ADCY9: variants seen among roughly 807,000 people sequenced by gnomAD.
ADCY9 encodes adenylate cyclase type 9.
A neutral mutation model predicts 101.5 loss-of-function variants in ADCY9; 50 were observed. The ratio of observed to expected loss-of-function variants is 0.49; its 90% CI spans 0.39 to 0.62. ADCY9 has a LOEUF of 0.62. Among genes scored for constraint, ADCY9 ranks in the 20% least tolerant of loss-of-function variants. ADCY9 has a pLI of 0.00. For missense variants in ADCY9, 1,662 were observed against 1,800.4 expected (o/e 0.92, Z 1.39); for synonymous variants, 905 against 769.3 (o/e 1.18, Z -2.92).
intron 2 of ADCY9, among the ~76,000 whole-genome samples, chr16:4,065,554 C>T (rs561074562): frequency 1.2e-4 from 18 of 152,234 alleles, no homozygotes; most frequent in African/African-American, 4.3e-4. Context: ...CCCATCGAGG[C>T]CCATGGCTTT....
At chr16:4,026,688 A>G (rs2056517831) in intron 2 of ADCY9, among the ~76,000 whole-genome samples, 1 of 152,206 alleles carries the variant, frequency 6.6e-6, no homozygotes, top group African/African-American at 2.4e-5. Flanking sequence ...AGACCCATGC[A>G]GCATCCAGGA....
chr16:4,044,989 G>A (rs534958081), intron 2 of ADCY9, among the ~76,000 whole-genome samples: 8 of 152,272 alleles, frequency 5.3e-5, no homozygotes, highest in African/African-American at 1.9e-4. Context: ...TGGTTGATAA[G>A]ACAAGCATGC....
At chr16:4,019,140 T>C (rs1467329415) in intron 2 of ADCY9, among the ~76,000 whole-genome samples, 1 of 152,066 alleles carries the variant, frequency 6.6e-6, no homozygotes, top group African/African-American at 2.4e-5. Flanking sequence ...CAAGCCCACC[T>C]TCTTTTAAAA....
intron 2 of ADCY9, among the ~76,000 whole-genome samples, chr16:4,106,862 G>A (rs2057080760): frequency 6.6e-6 from 1 of 152,156 alleles, no homozygotes; most frequent in Admixed American, 6.5e-5. Context: ...ATCTCACCAA[G>A]CTGGCCAGAA....
At chr16:3,973,256 T>C (rs2056067672) in intron 10 of ADCY9, among the ~76,000 whole-genome samples, 1 of 152,186 alleles carries the variant, frequency 6.6e-6, no homozygotes, top group South Asian at 2.1e-4. Flanking sequence ...TCGCCCAGGC[T>C]GGAGTGCAGT....
chr16:3,954,908 T>G (rs1035276060), intron 5 of ADCY9, among the ~76,000 whole-genome samples: 1 of 152,152 alleles, frequency 6.6e-6, no homozygotes, highest in African/African-American at 2.4e-5. Context: ...CACGCCTACA[T>G]GTCATGCCAC....
chr16:4,014,492 G>A (rs2056424818), intron 2 of ADCY9, among the ~76,000 whole-genome samples: 1 of 151,604 alleles, frequency 6.6e-6, no homozygotes, highest in East Asian at 1.9e-4. Context: ...CTGTTGCCCA[G>A]GCTGGAGCGT....
chr16:4,046,532 C>T (rs1345816137), intron 2 of ADCY9, among the ~76,000 whole-genome samples: 2 of 152,148 alleles, frequency 1.3e-5, no homozygotes, highest in Non-Finnish European at 2.9e-5. Context: ...AATGAGCAGG[C>T]TGGGAGTAGC....
intron 2 of ADCY9, among the ~76,000 whole-genome samples, chr16:4,050,023 T>A (rs1249262076): frequency 1.4e-5 from 2 of 146,066 alleles, no homozygotes; most frequent in African/African-American, 2.7e-5. Context: ...AGAGTGAGAC[T>A]GTGTCTCAAA....
chr16:4,017,384 C>T (rs2056445237), intron 2 of ADCY9, among the ~76,000 whole-genome samples: 1 of 149,860 alleles, frequency 6.7e-6, no homozygotes, highest in African/African-American at 2.4e-5. Flanking sequence ...GTGGCTCACA[C>T]CTGTAATCCC....
Position 3,966,095 on chromosome 16 carries a change from G to A in ADCY9, c.3742C>T (p.His1248Tyr). 6.2e-7 allele frequency: 1 copy of A among 1,614,220 alleles called. No individual in the cohort carries two copies. Among genetic ancestry groups the A allele is most frequent in the Non-Finnish European group, 8.5e-7 (1 of 1,180,044 alleles). The change falls in exon 11 of 11, where the codon CAC (histidine) becomes TAC (tyrosine). Residue 1248 changes from histidine (H) to tyrosine (Y), a missense_variant. By Grantham distance (83) the His-to-Tyr change is moderately conservative (BLOSUM62 2). Transcript: ENST00000294016. ...KTYLYPKCTD[H>Y]RVIPQHQLSI... Reference sequence around the variant, plus strand: ...AGCTGGTGCTGTGGGATGACCCTGTGATCCGTGCACTTTGGGTACAGGTAG... The same window carrying A: ...AGCTGGTGCTGTGGGATGACCCTGTAATCCGTGCACTTTGGGTACAGGTAG...
intron 10 of ADCY9, among the ~76,000 whole-genome samples, chr16:3,970,995 T>C (rs774982399): frequency 5.3e-5 from 8 of 152,112 alleles, no homozygotes; most frequent in Admixed American, 1.3e-4. Context: ...GGAGCTGGGA[T>C]TTGGGGAGGG....
intron 2 of ADCY9, among the ~76,000 whole-genome samples, chr16:4,085,356 T>C (rs2056931112): frequency 6.6e-6 from 1 of 152,030 alleles, no homozygotes; most frequent in Non-Finnish European, 1.5e-5. Flanking sequence ...AGCAAGACTC[T>C]GCCTCAAAAA....
chr16:4,070,005 C>G (rs2056823716), intron 2 of ADCY9, among the ~76,000 whole-genome samples: 1 of 151,990 alleles, frequency 6.6e-6, no homozygotes, highest in South Asian at 2.1e-4. Context: ...GGGTGAGGCA[C>G]AAGAATTGCT....
In ADCY9 at chr16:4,115,499, G is replaced by A. The variant is rs954041427; in HGVS notation, c.-43-14C>T. 1 of 1,469,512 alleles carries A rather than the reference G, an allele frequency of 6.8e-7. No individual in the cohort carries two copies. The highest frequency in any genetic ancestry group is 9.0e-7 in the Non-Finnish European group (1 of 1,111,776). The allele number at this position is 1,469,512 out of a possible 1,614,324, so 91.0% of individuals were successfully genotyped here. A position where few individuals can be genotyped will look rare whatever the true frequency, so the allele number is the denominator to read the frequency against. ...GGTCACCAGTACCTGCCAGCAAAAC[G>A]GGGAGAGTTAGCGGCGCTCCCACCT... On this transcript the variant is annotated splice_polypyrimidine_tract_variant and intron_variant, in intron 1 of 10. Coordinates refer to ENST00000294016, the MANE Select transcript of ADCY9 (RefSeq NM_001116.4). The surrounding 1 kb of genome is among the most constrained non-coding windows in gnomAD (Gnocchi z 6.2).
At position 3,963,513 on chromosome 16, in the gene ADCY9, G is replaced by A. The variant is rs1308171227; in HGVS notation, c.*2262C>T. 14 of 387,232 alleles carry A rather than the reference G, an allele frequency of 3.6e-5. No homozygotes were observed. Among genetic ancestry groups the A allele is most frequent in the East Asian group, 7.3e-5 (2 of 27,396 alleles). 24.0% of individuals were successfully genotyped at this position (387,232 alleles called of 1,614,324 possible). A position where few individuals can be genotyped will look rare whatever the true frequency, so the allele number is the denominator to read the frequency against. On this transcript the variant is annotated 3_prime_UTR_variant, in exon 11 of 11. Transcript: ENST00000294016. ...AGGCTCAGGGTGTTTGAAAGACAACGTTAAGCTCTGGGTGAGTCTGCACGG... is the reference window on the plus strand; with the variant it reads ...AGGCTCAGGGTGTTTGAAAGACAACATTAAGCTCTGGGTGAGTCTGCACGG...
At chr16:4,085,648 G>C (rs756882525) in intron 2 of ADCY9, among the ~76,000 whole-genome samples, 1 of 152,078 alleles carries the variant, frequency 6.6e-6, no homozygotes, top group Non-Finnish European at 1.5e-5. Context: ...TCGTCGAAGA[G>C]GGAGAGGTCT....
chr16:4,058,770 C>A (rs2056756772), intron 2 of ADCY9, among the ~76,000 whole-genome samples: 3 of 152,278 alleles, frequency 2.0e-5, no homozygotes, highest in South Asian at 4.1e-4. Context: ...AGCTAAAAAT[C>A]CCTCCGTCTT....
At chr16:4,001,968 C>T (rs1321452367) in intron 3 of ADCY9, among the ~76,000 whole-genome samples, 4 of 152,132 alleles carry the variant, frequency 2.6e-5, no homozygotes, top group Admixed American at 6.5e-5. Flanking sequence ...AGGCTGGTCT[C>T]GAACTCTTGA....
Sources: gnomAD v4.1 joint callset for allele counts (sites outside exome capture counted in the v4.1 genomes callset) on GRCh38, gnomAD v4.1.1 for gene constraint, Gnocchi (gnomAD v3.1) non-coding constraint, MANE v1.5 for transcripts, NCBI Gene and HGNC (gene_info 2026-07-23, HGNC 2026-07-21) for gene names.